Variants in TRPM3 observed in about 807,000 individuals in gnomAD.
TRPM3 encodes the protein long transient receptor potential channel 3.
Under a neutral mutation model 181.2 loss-of-function variants are expected in TRPM3, and 77 were observed. The observed-to-expected ratio is 0.42, with a 90% CI of 0.35 to 0.51. The LOEUF (loss-of-function observed/expected upper bound fraction) is 0.51. Ranked by LOEUF, TRPM3 falls within the 20% of genes least tolerant of loss-of-function variation. The pLI is 0.01. For missense variants in TRPM3, 1,759 were observed against 2,196.7 expected (o/e 0.80, Z 3.98); for synonymous variants, 745 against 796.4 (o/e 0.94, Z 1.09).
At chr9:70,813,615 C>T (rs771064997) in intron 6 of TRPM3, among the ~76,000 whole-genome samples, 3 of 152,172 alleles carry the variant, frequency 2.0e-5, no homozygotes, top group East Asian at 3.9e-4. Context: ...ATGCAATATA[C>T]GCTTGTAACA....
chr9:71,357,276 CTATGTCTAAATGTACAATTT>C (rs2091941279), intron 1 of TRPM3, among the ~76,000 whole-genome samples: 1 of 152,134 alleles, frequency 6.6e-6, no homozygotes, highest in Non-Finnish European at 1.5e-5. Context: ...GCAAAAGGCA[CTATGTCTAAATGTACAATTT>C]TATGTCAATT....
chr9:71,158,281 C>G lies in TRPM3; in HGVS notation c.183+288372G>C, dbSNP rs1037874139. 9.9e-5 allele frequency among the ~76,000 whole-genome samples: 15 copies of G among 152,068 alleles called. 1 individual carries two copies. The highest frequency in any genetic ancestry group is 2.6e-4 in the Admixed American group (4 of 15,250). ...CATTTTATAGATCAGGAAGTAAAAG[C>G]TCAAAACTGAAAATAACTTGACCAA... On this transcript the variant is annotated intron_variant, in intron 1 of 24. Transcript: ENST00000357533.
chr9:71,297,618 G>A (rs1450088814), intron 1 of TRPM3, among the ~76,000 whole-genome samples: 2 of 152,128 alleles, frequency 1.3e-5, no homozygotes, highest in East Asian at 3.9e-4. Flanking sequence ...ACTAGCATAG[G>A]AGAAACTGCT....
intron 1 of TRPM3, among the ~76,000 whole-genome samples, chr9:71,323,229 A>G (rs1014773775): frequency 2.0e-5 from 3 of 152,100 alleles, no homozygotes; most frequent in Admixed American, 6.6e-5. Context: ...AGTTGGGGCA[A>G]AAGTCTTTGA....
chr9:70,814,814 C>A (rs144479498), intron 6 of TRPM3, among the ~76,000 whole-genome samples: 47 of 152,100 alleles, frequency 3.1e-4, no homozygotes, highest in African/African-American at 1.1e-3. Context: ...ACTCCTAGGC[C>A]CTGTGAATAG....
chr9:71,167,748 T>C (rs1036753274), intron 1 of TRPM3, among the ~76,000 whole-genome samples: 9 of 152,070 alleles, frequency 5.9e-5, no homozygotes, highest in African/African-American at 1.9e-4. Context: ...TAGGAGAGGT[T>C]TGCCCAGACT....
At chr9:70,701,524 A>G (rs2072566202) in intron 8 of TRPM3, among the ~76,000 whole-genome samples, 1 of 152,146 alleles carries the variant, frequency 6.6e-6, no homozygotes, top group Admixed American at 6.5e-5. Flanking sequence ...GTCTCATATC[A>G]ATGTCAGGCT....
chr9:70,536,174 C>T lies in TRPM3; in HGVS notation c.4939G>A (p.Ala1647Thr), dbSNP rs758342916. 7.4e-6 allele frequency: 12 copies of T among 1,614,034 alleles called. No homozygotes were observed. Among genetic ancestry groups the T allele is most frequent in the Admixed American group, 3.3e-5 (2 of 60,014 alleles). ...NNITVPKIER[A>T]NSYSAEEPSA... is the part of the protein sequence containing the mutation. ...GGCTCCTCTGCCGAGTAGCTGTTGG[C>T]GCGCTCTATCTTGGGAACAGTGATG... Residue 1647 changes from alanine (A) to threonine (T), a missense_variant, in exon 26 of 26, where the codon GCC becomes ACC. Coordinates refer to ENST00000677713, the MANE Select transcript of TRPM3 (RefSeq NM_001366145.2).
At chr9:70,680,270 T>G (rs1451733178) in intron 9 of TRPM3, among the ~76,000 whole-genome samples, 1 of 152,192 alleles carries the variant, frequency 6.6e-6, no homozygotes, top group Non-Finnish European at 1.5e-5. Context: ...AAATGGGAAT[T>G]AAAAATAGCT....
chr9:71,171,705 C>T (rs1045086924), intron 1 of TRPM3, among the ~76,000 whole-genome samples: 4 of 152,170 alleles, frequency 2.6e-5, no homozygotes, highest in South Asian at 2.1e-4. Context: ...AAGAAGGCAA[C>T]GTGTACCCAA....
chr9:71,057,411 T>C (rs1314657976), intron 1 of TRPM3, among the ~76,000 whole-genome samples: 7 of 152,090 alleles, frequency 4.6e-5, no homozygotes, highest in Admixed American at 6.6e-5. Context: ...GCTGTTTAGT[T>C]AGACTGATGC....
intron 3 of TRPM3, among the ~76,000 whole-genome samples, chr9:70,861,635 CTGTG>C (rs1406692125): frequency 6.6e-6 from 1 of 152,142 alleles, no homozygotes; most frequent in African/African-American, 2.4e-5. Context: ...CAATCCCATA[CTGTG>C]AACAGTGACT....
chr9:70,814,246 A>C (rs2092457135), intron 6 of TRPM3, among the ~76,000 whole-genome samples: 1 of 152,172 alleles, frequency 6.6e-6, no homozygotes, highest in Admixed American at 6.5e-5. Context: ...GAGCACACAG[A>C]CAATATTGAC....
intron 1 of TRPM3, among the ~76,000 whole-genome samples, chr9:71,204,034 T>A (rs551191935): frequency 0.011 from 1,737 of 152,040 alleles, 29 homozygotes; most frequent in African/African-American, 0.039. Flanking sequence ...ACTGGATCCC[T>A]TCCTTACACC....
At chr9:70,581,645 C>T (rs2055708970) in intron 22 of TRPM3, among the ~76,000 whole-genome samples, 2 of 152,212 alleles carry the variant, frequency 1.3e-5, no homozygotes, top group Admixed American at 6.5e-5. Flanking sequence ...AAGGGGTGTA[C>T]TCTGCTCTGC....
At position 71,218,068 on chromosome 9, in the gene TRPM3, G is replaced by A. The variant is rs73647970; in HGVS notation, c.183+228585C>T. On this transcript the variant is annotated intron_variant, in intron 1 of 24. Coordinates refer to the TRPM3 transcript ENST00000357533. ...GCTTTGCTTTACTGATTTTCATCAGGTATTAAAGCAAGATTTGATTAAAGG... is the reference window on the plus strand; with the variant it reads ...GCTTTGCTTTACTGATTTTCATCAGATATTAAAGCAAGATTTGATTAAAGG... 4.2e-3 allele frequency among the ~76,000 whole-genome samples: 635 copies of A among 152,228 alleles called. 4 individuals are homozygous for A. Among genetic ancestry groups the A allele is most frequent in the African/African-American group, 0.015 (612 of 41,526 alleles).
At position 71,270,914 on chromosome 9, in the gene TRPM3, G is replaced by A. The variant is rs141478443; in HGVS notation, c.183+175739C>T. On this transcript the variant is annotated intron_variant, in intron 1 of 24. Coordinates refer to the TRPM3 transcript ENST00000357533. ...AAGATCCATGTGGGAAAGAGCTGAG[G>A]CTTCTTGCCAACAGTTGTTTGGGTG... Among the ~76,000 whole-genome samples, 3 of 152,274 alleles carry A rather than the reference G, an allele frequency of 2.0e-5. No homozygotes were observed. The East Asian group carries it at 5.8e-4, about 29-fold the overall frequency.
intron 1 of TRPM3, among the ~76,000 whole-genome samples, chr9:71,316,112 G>T (rs759474458): frequency 6.6e-6 from 1 of 152,170 alleles, no homozygotes; most frequent in Non-Finnish European, 1.5e-5. Context: ...GACAGGACAG[G>T]CCTAATAGTG....
intron 1 of TRPM3, among the ~76,000 whole-genome samples, chr9:71,338,568 G>C (rs1282532466): frequency 6.6e-6 from 1 of 152,104 alleles, no homozygotes; most frequent in Non-Finnish European, 1.5e-5. Flanking sequence ...ATGAATGTAT[G>C]AGTAATGAGA....
Sources: allele counts gnomAD v4.1 joint callset (sites outside exome capture counted in the v4.1 genomes callset), GRCh38; gene constraint gnomAD v4.1.1; transcripts MANE v1.5; gene names NCBI Gene and HGNC (gene_info 2026-07-23, HGNC 2026-07-21).